Variants in FBXL17 observed in about 807,000 individuals in gnomAD.
The protein encoded by FBXL17 is F-box and leucine rich repeat protein 17.
A neutral mutation model predicts 66.2 loss-of-function variants in FBXL17; 22 were observed. The ratio of observed to expected loss-of-function variants is 0.33; its 90% CI spans 0.24 to 0.47. The LOEUF (loss-of-function observed/expected upper bound fraction) is 0.47. Among genes scored for constraint, FBXL17 ranks in the 20% least tolerant of loss-of-function variants. The probability of loss-of-function intolerance (pLI) is 1.00; values close to 1 mark genes in which losing one functional copy is unlikely to be tolerated. For synonymous variants in FBXL17, 474 were observed against 400.5 expected (o/e 1.18, Z -2.19); for missense variants, 878 against 948.2 (o/e 0.93, Z 0.97).
intron 4 of FBXL17, among the ~76,000 whole-genome samples, chr5:108,341,351 T>C (rs1247509574): frequency 6.6e-6 from 1 of 152,116 alleles, no homozygotes; most frequent in Admixed American, 6.5e-5. Flanking sequence ...AAATATTTTT[T>C]AAAGCATTTT....
At chr5:108,183,690 C>T (rs1471441415) in intron 6 of FBXL17, among the ~76,000 whole-genome samples, 1 of 152,086 alleles carries the variant, frequency 6.6e-6, no homozygotes, top group Admixed American at 6.6e-5. Flanking sequence ...CATTGTACCC[C>T]ATAGGCAGTT....
chr5:107,880,562 C>T (rs1284024892), intron 8 of FBXL17: 10 of 1,017,334 alleles, frequency 9.8e-6, no homozygotes, highest in Non-Finnish European at 9.4e-6. Context: ...CCCTTACTGG[C>T]CCTTTGTTGG....
intron 1 of FBXL17, among the ~76,000 whole-genome samples, chr5:108,373,370 A>AAACAT (rs1749193281): frequency 7.5e-6 from 1 of 132,666 alleles, no homozygotes; most frequent in African/African-American, 2.9e-5. Flanking sequence ...ATATTAATAT[A>AAACAT]AATATATATC....
intron 4 of FBXL17, among the ~76,000 whole-genome samples, chr5:108,309,899 T>G (rs1034658564): frequency 3.9e-5 from 6 of 152,088 alleles, no homozygotes; most frequent in Non-Finnish European, 5.9e-5. Context: ...CCTCATCTAC[T>G]TACATTTGCA....
chr5:108,363,130 C>T (rs1454343304), intron 3 of FBXL17, among the ~76,000 whole-genome samples: 1 of 151,942 alleles, frequency 6.6e-6, no homozygotes, highest in Non-Finnish European at 1.5e-5. Flanking sequence ...TATGAAATAT[C>T]ACTAGGTCAT....
chr5:108,040,125 A>T (rs2112801304), intron 6 of FBXL17, among the ~76,000 whole-genome samples: 1 of 152,280 alleles, frequency 6.6e-6, no homozygotes, highest in East Asian at 1.9e-4. Context: ...CGCCTTTTCA[A>T]AAATGCTGTG....
At chr5:107,933,680 T>C (rs1750804531) in intron 7 of FBXL17, among the ~76,000 whole-genome samples, 1 of 152,176 alleles carries the variant, frequency 6.6e-6, no homozygotes, top group African/African-American at 2.4e-5. Flanking sequence ...TTGTCTTTGA[T>C]TCTGCTTATG....
intron 4 of FBXL17, among the ~76,000 whole-genome samples, chr5:108,290,670 T>C (rs1298875076): frequency 6.6e-6 from 1 of 152,180 alleles, no homozygotes; most frequent in Non-Finnish European, 1.5e-5. Flanking sequence ...TGTTTTCCCA[T>C]CCAAAAGCAT....
intron 6 of FBXL17, among the ~76,000 whole-genome samples, chr5:108,101,755 A>G (rs1289282844): frequency 6.6e-6 from 1 of 152,216 alleles, no homozygotes; most frequent in African/African-American, 2.4e-5. Flanking sequence ...AAAAGTACCA[A>G]CTTTTAATTA....
chr5:107,903,899 C>T (rs1749659127), intron 7 of FBXL17, among the ~76,000 whole-genome samples: 1 of 152,054 alleles, frequency 6.6e-6, no homozygotes, highest in Admixed American at 6.6e-5. Context: ...TTTCTTGAGG[C>T]CATTAGAGCA....
chr5:108,147,018 G>A (rs1751587614), intron 6 of FBXL17, among the ~76,000 whole-genome samples: 2 of 152,196 alleles, frequency 1.3e-5, no homozygotes, highest in East Asian at 1.9e-4. Flanking sequence ...AAGGTGCCTT[G>A]CTGTTGCATC....
intron 4 of FBXL17, among the ~76,000 whole-genome samples, chr5:108,337,255 C>CA (rs1222260145): frequency 5.2e-3 from 351 of 68,074 alleles, no homozygotes; most frequent in Middle Eastern, 0.01. Context: ...GACTCCATCT[C>CA]AAAAAAAAAA....
intron 4 of FBXL17, among the ~76,000 whole-genome samples, chr5:108,312,110 A>C (rs1250477550): frequency 6.6e-6 from 1 of 152,160 alleles, no homozygotes; most frequent in East Asian, 1.9e-4. Context: ...CATTCTTATA[A>C]AAGGTGGCTA....
intron 6 of FBXL17, among the ~76,000 whole-genome samples, chr5:108,036,630 G>A (rs1580356165): frequency 6.6e-6 from 1 of 152,066 alleles, no homozygotes; most frequent in East Asian, 1.9e-4. Context: ...TCATTTTGTT[G>A]TGACCATTGT....
At chr5:107,887,023 C>G (rs887144367) in intron 7 of FBXL17, among the ~76,000 whole-genome samples, 1 of 151,578 alleles carries the variant, frequency 6.6e-6, no homozygotes, top group Non-Finnish European at 1.5e-5. Context: ...ACAGACAAAT[C>G]AGGGAAAACT....
intron 7 of FBXL17, among the ~76,000 whole-genome samples, chr5:108,016,423 T>C (rs544526348): frequency 6.6e-6 from 1 of 152,192 alleles, no homozygotes; most frequent in East Asian, 1.9e-4. Context: ...TAAAGATTAT[T>C]TTACTACTTT....
At chr5:108,264,481 A>G (rs114748655) in intron 4 of FBXL17, among the ~76,000 whole-genome samples, 5 of 152,294 alleles carry the variant, frequency 3.3e-5, no homozygotes, top group African/African-American at 7.2e-5. Context: ...AAATCATTAT[A>G]TAAAGTAGGA....
chr5:108,106,598 G>A (rs1200544954), intron 6 of FBXL17, among the ~76,000 whole-genome samples: 1 of 152,138 alleles, frequency 6.6e-6, no homozygotes, highest in East Asian at 1.9e-4. Context: ...CTACAACATG[G>A]AAGAACACTG....
chr5:108,136,655 G>T (rs1441369975), intron 6 of FBXL17, among the ~76,000 whole-genome samples: 1 of 152,094 alleles, frequency 6.6e-6, no homozygotes. Flanking sequence ...TGATTCTTCA[G>T]AAAAAAGTTC....
Sources: allele counts gnomAD v4.1 joint callset (sites outside exome capture counted in the v4.1 genomes callset), GRCh38; gene constraint gnomAD v4.1.1; transcripts MANE v1.5; gene names NCBI Gene and HGNC (gene_info 2026-07-23, HGNC 2026-07-21).